The following ZNF804B variants were observed in gnomAD, a reference collection of about 807,000 sequenced individuals.
ZNF804B encodes zinc finger 804B.
Under a neutral mutation model 101.4 loss-of-function variants are expected in ZNF804B, and 80 were observed. The observed-to-expected ratio is 0.79, with a 90% CI of 0.66 to 0.95. The LOEUF is 0.95. Ranked by LOEUF, ZNF804B falls within the 40% of genes least tolerant of loss-of-function variation. The probability of loss-of-function intolerance (pLI) is 0.00; values close to 1 mark genes in which losing one functional copy is unlikely to be tolerated. For synonymous variants in ZNF804B, 622 were observed against 558.8 expected, an observed-to-expected ratio of 1.11 and a Z score of -1.59; for missense variants, 1,673 against 1,561.9, an observed-to-expected ratio of 1.07 and a Z score of -1.20.
intron 2 of ZNF804B, among the ~76,000 whole-genome samples, chr7:89,221,591 G>A (rs2115711422): frequency 6.6e-6 from 1 of 151,952 alleles, no homozygotes; most frequent in Non-Finnish European, 1.5e-5. Flanking sequence ...AGCATCCCGT[G>A]TACTCTGGAA....
At chr7:89,078,104 T>C (rs953376151) in intron 1 of ZNF804B, among the ~76,000 whole-genome samples, 2 of 152,086 alleles carry the variant, frequency 1.3e-5, no homozygotes, top group Non-Finnish European at 2.9e-5. Flanking sequence ...ACGTTAAATG[T>C]TTACGAACTT....
chr7:88,942,526 G>GTGTA (rs549564672), intron 1 of ZNF804B, among the ~76,000 whole-genome samples: 5,815 of 148,988 alleles, frequency 0.039, 229 homozygotes, highest in East Asian at 0.16. Flanking sequence ...GTGTGTGTGT[G>GTGTA]TGTGTTTTGC....
rs148878759 is a variant in ZNF804B, at chr7:89,265,671, G to A, written c.249+47376G>A. 6.8e-4 allele frequency among the ~76,000 whole-genome samples: 104 copies of A among 152,190 alleles called. No homozygotes were observed. The East Asian group carries it at 0.017, about 25-fold the overall frequency. On this transcript the variant is annotated intron_variant, in intron 2 of 3. Transcript: ENST00000333190. ...CAGGGTAATCTCAAAATAAAATGAC[G>A]CAGTTTAAAACAATAACAATTATTC...
intron 1 of ZNF804B, among the ~76,000 whole-genome samples, chr7:88,942,998 T>G (rs1793076803): frequency 6.6e-6 from 1 of 151,910 alleles, no homozygotes; most frequent in Non-Finnish European, 1.5e-5. Context: ...CATGCTTAAA[T>G]GTATGGGTGT....
At chr7:89,008,336 G>A (rs1788400574) in intron 1 of ZNF804B, among the ~76,000 whole-genome samples, 1 of 151,672 alleles carries the variant, frequency 6.6e-6, no homozygotes, top group South Asian at 2.1e-4. Flanking sequence ...TAATCTGTGA[G>A]CACCCAAAAA....
intron 2 of ZNF804B, among the ~76,000 whole-genome samples, chr7:89,298,220 A>ATC (rs1790417658): frequency 1.4e-5 from 1 of 69,840 alleles, no homozygotes; most frequent in Admixed American, 1.5e-4. Context: ...GTGTGTGTAT[A>ATC]TATATATATA....
intron 1 of ZNF804B, among the ~76,000 whole-genome samples, chr7:88,832,777 C>T (rs1791152231): frequency 6.6e-6 from 1 of 151,958 alleles, no homozygotes; most frequent in African/African-American, 2.4e-5. Flanking sequence ...TAGCCTATAG[C>T]TCACTGCTTG....
intron 3 of ZNF804B, among the ~76,000 whole-genome samples, chr7:89,331,444 A>T (rs930224766): frequency 6.6e-6 from 1 of 151,870 alleles, no homozygotes; most frequent in South Asian, 2.1e-4. Flanking sequence ...AATGAACATC[A>T]AAAATTTACT....
chr7:89,034,613 G>T (rs559271970), intron 1 of ZNF804B, among the ~76,000 whole-genome samples: 1 of 152,166 alleles, frequency 6.6e-6, no homozygotes, highest in Non-Finnish European at 1.5e-5. Flanking sequence ...GTATTTCATG[G>T]TGTATGTGTG....
intron 2 of ZNF804B, among the ~76,000 whole-genome samples, chr7:89,282,055 G>C (rs1790105280): frequency 6.6e-6 from 1 of 151,904 alleles, no homozygotes; most frequent in Non-Finnish European, 1.5e-5. Flanking sequence ...CAAAAAATTA[G>C]CCGGGCGTGG....
intron 1 of ZNF804B, among the ~76,000 whole-genome samples, chr7:88,770,696 C>T (rs905789762): frequency 1.3e-5 from 2 of 152,098 alleles, no homozygotes; most frequent in Admixed American, 6.6e-5. Flanking sequence ...TGTCTCTGCG[C>T]AAATGTCCCT....
intron 1 of ZNF804B, among the ~76,000 whole-genome samples, chr7:88,887,192 A>AT (rs202016828): frequency 0.032 from 2,124 of 66,904 alleles, 54 homozygotes; most frequent in African/African-American, 0.17. Flanking sequence ...ACAAAAATGC[A>AT]TTTTTTTCAT....
At position 89,338,275 on chromosome 7, in the gene ZNF804B, A is replaced by G. The variant is rs1791135670; in HGVS notation, c.*1243A>G. On this transcript the variant is annotated 3_prime_UTR_variant, in exon 4 of 4. Transcript: ENST00000333190. ...CAAACTCCTCTACCACTAGAAGATTAGAGGATGTCTTCTTCAGCCTTGGCT... is the reference window on the plus strand; with the variant it reads ...CAAACTCCTCTACCACTAGAAGATTGGAGGATGTCTTCTTCAGCCTTGGCT... Among the ~76,000 whole-genome samples, 1 of 152,098 alleles carries G rather than the reference A, an allele frequency of 6.6e-6. No homozygotes were observed. The highest frequency in any genetic ancestry group is 1.5e-5 in the Non-Finnish European group (1 of 67,948).
At position 89,171,031 on chromosome 7, in the gene ZNF804B, C is replaced by G. The variant is rs118053749; in HGVS notation, c.109-47124C>G. Among the ~76,000 whole-genome samples the G allele has an allele frequency of 1.8e-4, 28 of 152,262 alleles. No homozygotes were observed. In the East Asian group the frequency reaches 5.0e-3, roughly 27 times the overall value. On this transcript the variant is annotated intron_variant, in intron 1 of 3. Transcript: ENST00000333190. ...GGGCTTATTCTTGGTAGGATTAACA[C>G]TATGGAACAAAATGCACCAGGAAAA...
chr7:89,303,314 A>G (rs1328194612), intron 2 of ZNF804B, among the ~76,000 whole-genome samples: 3 of 151,938 alleles, frequency 2.0e-5, no homozygotes, highest in Non-Finnish European at 4.4e-5. Context: ...TGAAACTTCA[A>G]TTTATGTAGA....
At chr7:89,103,832 C>G (rs1366612879) in intron 1 of ZNF804B, among the ~76,000 whole-genome samples, 1 of 151,922 alleles carries the variant, frequency 6.6e-6, no homozygotes, top group Non-Finnish European at 1.5e-5. Flanking sequence ...ATGCTTTCAA[C>G]TGTTCCTCAT....
intron 1 of ZNF804B, among the ~76,000 whole-genome samples, chr7:89,132,194 A>G (rs1304524207): frequency 1.3e-5 from 2 of 151,366 alleles, no homozygotes; most frequent in Non-Finnish European, 3.0e-5. Flanking sequence ...ACACACACAC[A>G]CACACACACA....
chr7:88,870,334 G>A (rs1428899665), intron 1 of ZNF804B, among the ~76,000 whole-genome samples: 2 of 139,710 alleles, frequency 1.4e-5, no homozygotes, highest in African/African-American at 5.5e-5. Flanking sequence ...GCAGTGAGTC[G>A]AGATCGCGCC....
At chr7:88,867,254 A>G (rs1456743175) in intron 1 of ZNF804B, among the ~76,000 whole-genome samples, 1 of 152,204 alleles carries the variant, frequency 6.6e-6, no homozygotes, top group East Asian at 1.9e-4. Flanking sequence ...GAGAAGTCTC[A>G]TGATAGACAA....
Sources: gnomAD v4.1 joint callset for allele counts (sites outside exome capture counted in the v4.1 genomes callset) on GRCh38, gnomAD v4.1.1 for gene constraint, MANE v1.5 for transcripts, NCBI Gene and HGNC (gene_info 2026-07-23, HGNC 2026-07-21) for gene names.